Variants in ADAMTSL1 observed in about 807,000 individuals in gnomAD.
ADAMTSL1 encodes ADAMTS-like protein 1.
A neutral mutation model predicts 201.8 loss-of-function variants in ADAMTSL1; 126 were observed. That is an observed-to-expected ratio of 0.62 (90% confidence interval 0.54 to 0.72). ADAMTSL1 has a LOEUF of 0.72. ADAMTSL1 is among the 30% of genes least tolerant of loss of function. The pLI is 0.00. For synonymous variants in ADAMTSL1, 1,121 were observed against 903.4 expected, an observed-to-expected ratio of 1.24 and a Z score of -4.32; for missense variants, 2,679 against 2,277.8, an observed-to-expected ratio of 1.18 and a Z score of -3.59.
At chr9:18,116,856 G>T (rs1825273238) in intron 1 of ADAMTSL1, among the ~76,000 whole-genome samples, 4 of 152,226 alleles carry the variant, frequency 2.6e-5, no homozygotes, top group Admixed American at 2.6e-4. Context: ...TCAGACTCTG[G>T]TATCCACCTG....
intron 1 of ADAMTSL1, among the ~76,000 whole-genome samples, chr9:18,020,440 T>C (rs1421789376): frequency 6.6e-6 from 1 of 152,038 alleles, no homozygotes. Flanking sequence ...TGGGGGAAGC[T>C]CTGTGTAGAG....
At chr9:18,153,916 C>T (rs1212408187) in intron 1 of ADAMTSL1, among the ~76,000 whole-genome samples, 2 of 151,944 alleles carry the variant, frequency 1.3e-5, no homozygotes, top group Non-Finnish European at 2.9e-5. Flanking sequence ...CATTACACGG[C>T]TTTAATGTTT....
chr9:18,839,876 G>A (rs901017105), intron 23 of ADAMTSL1, among the ~76,000 whole-genome samples: 132 of 149,374 alleles, frequency 8.8e-4, no homozygotes, highest in African/African-American at 3.0e-3. Flanking sequence ...ACTTTTGGAT[G>A]GGGTTCTTTG....
intron 4 of ADAMTSL1, among the ~76,000 whole-genome samples, chr9:18,577,442 C>T (rs1228328636): frequency 2.0e-5 from 3 of 152,126 alleles, no homozygotes; most frequent in African/African-American, 4.8e-5. Flanking sequence ...GCCGAGATTG[C>T]ACCACTGTAC....
chr9:18,186,928 C>A (rs77069604), intron 2 of ADAMTSL1, among the ~76,000 whole-genome samples: 4,451 of 152,090 alleles, frequency 0.029, 108 homozygotes, highest in Middle Eastern at 0.085. Context: ...TCCAGTACCC[C>A]ATAACTGGTA....
intron 1 of ADAMTSL1, 58 bp downstream of exon 1, chr9:18,474,353 G>A (rs931231763): frequency 1.4e-4 from 211 of 1,560,440 alleles, no homozygotes; most frequent in Non-Finnish European, 1.7e-4. Flanking sequence ...GTGCTGTTGG[G>A]GGTGTGTGTG....
intron 1 of ADAMTSL1, among the ~76,000 whole-genome samples, chr9:18,075,495 G>A (rs186771925): frequency 4.2e-4 from 61 of 145,124 alleles, no homozygotes; most frequent in African/African-American, 1.3e-3. Flanking sequence ...TGGGGTTAAT[G>A]TGTGTAGTTT....
intron 1 of ADAMTSL1, among the ~76,000 whole-genome samples, chr9:18,076,580 T>G (rs1374836844): frequency 6.6e-6 from 1 of 152,174 alleles, no homozygotes; most frequent in African/African-American, 2.4e-5. Flanking sequence ...AAAAAACACC[T>G]GAATGTGGTT....
chr9:18,791,257 C>T (rs899119697), intron 19 of ADAMTSL1, among the ~76,000 whole-genome samples: 4 of 152,324 alleles, frequency 2.6e-5, no homozygotes, highest in Middle Eastern at 3.4e-3. Context: ...ATGGGACCCC[C>T]CTCCAGAACT....
chr9:18,803,497 G>A (rs1455101459), intron 20 of ADAMTSL1, among the ~76,000 whole-genome samples: 1 of 152,126 alleles, frequency 6.6e-6, no homozygotes, highest in African/African-American at 2.4e-5. Flanking sequence ...TTCTTCCTTA[G>A]CCATGTCACA....
chr9:17,998,305 GA>G (rs1424247251), intron 1 of ADAMTSL1, among the ~76,000 whole-genome samples: 1 of 152,040 alleles, frequency 6.6e-6, no homozygotes, highest in African/African-American at 2.4e-5. Flanking sequence ...GTAAAGTTAA[GA>G]AAAGATAAAA....
intron 23 of ADAMTSL1, among the ~76,000 whole-genome samples, chr9:18,862,839 A>G (rs899309783): frequency 2.8e-4 from 42 of 152,326 alleles, no homozygotes; most frequent in African/African-American, 9.9e-4. Flanking sequence ...GGGTAGAGTC[A>G]ACTAGGGACT....
At chr9:18,098,027 G>T (rs1481625652) in intron 1 of ADAMTSL1, among the ~76,000 whole-genome samples, 2 of 151,532 alleles carry the variant, frequency 1.3e-5, no homozygotes, top group Non-Finnish European at 1.5e-5. Context: ...TGGAGATCAA[G>T]GCTTATTTTT....
intron 1 of ADAMTSL1, among the ~76,000 whole-genome samples, chr9:18,032,667 C>A (rs1046682216): frequency 6.6e-6 from 1 of 152,172 alleles, no homozygotes; most frequent in South Asian, 2.1e-4. Flanking sequence ...TGTAGCTGCC[C>A]CTTGTAAGCT....
At chr9:18,193,956 G>C (rs2132243423) in intron 2 of ADAMTSL1, among the ~76,000 whole-genome samples, 1 of 152,236 alleles carries the variant, frequency 6.6e-6, no homozygotes, top group South Asian at 2.1e-4. Context: ...TACTAATTTA[G>C]TGCTATTTAG....
At chr9:18,577,631 G>C (rs1043386425) in intron 4 of ADAMTSL1, among the ~76,000 whole-genome samples, 1 of 152,118 alleles carries the variant, frequency 6.6e-6, no homozygotes, top group South Asian at 2.1e-4. Flanking sequence ...ACCAAAGTGA[G>C]AAAATATATG....
intron 2 of ADAMTSL1, among the ~76,000 whole-genome samples, chr9:18,379,034 ACATGAGGG>A (rs1837431567): frequency 6.6e-6 from 1 of 152,220 alleles, no homozygotes; most frequent in African/African-American, 2.4e-5. Flanking sequence ...GGAGTCAGAA[ACATGAGGG>A]AGCCTCTACT....
At position 18,904,658 on chromosome 9, in the gene ADAMTSL1, A is replaced by AGG. The variant is rs1830194824; in HGVS notation, c.4852-1124_4852-1123insGG. Among the ~76,000 whole-genome samples, 3 of 144,030 alleles carry AGG rather than the reference A, an allele frequency of 2.1e-5. 1 individual carries two copies. Among genetic ancestry groups the AGG allele is most frequent in the Admixed American group, 1.4e-4 (2 of 14,504 alleles). The allele number at this position is 144,030 out of a possible 152,430, so 94.5% of individuals were successfully genotyped here. On this transcript the variant is annotated intron_variant, in intron 26 of 28. Coordinates refer to ENST00000380548, the MANE Select transcript of ADAMTSL1 (RefSeq NM_001040272.6). ...CAAAAAAAAAAAAAAAAAAAAAAAAAAAAAAAAAAAAAAAGGTCCGTTTAT... is the reference window on the plus strand; with the variant it reads ...CAAAAAAAAAAAAAAAAAAAAAAAAAGGAAAAAAAAAAAAAAGGTCCGTTTAT...
chr9:18,220,947 A>C (rs1041363802), intron 2 of ADAMTSL1, among the ~76,000 whole-genome samples: 5 of 151,608 alleles, frequency 3.3e-5, no homozygotes, highest in Non-Finnish European at 7.4e-5. Context: ...GCTAATTTTC[A>C]TATTTTTTGT....
Sources: allele counts gnomAD v4.1 joint callset (sites outside exome capture counted in the v4.1 genomes callset), GRCh38; gene constraint gnomAD v4.1.1; transcripts MANE v1.5; gene names NCBI Gene and HGNC (gene_info 2026-07-23, HGNC 2026-07-21).